Variants in VOPP1 observed in about 807,000 individuals in gnomAD.
The protein encoded by VOPP1 is VOPP1 WW domain binding protein.
Under a neutral mutation model 23.5 loss-of-function variants are expected in VOPP1, and 8 were observed. That is an observed-to-expected ratio of 0.34 (90% confidence interval 0.20 to 0.61). The LOEUF (loss-of-function observed/expected upper bound fraction) is 0.61. Among genes scored for constraint, VOPP1 ranks in the 20% least tolerant of loss-of-function variants. The probability of loss-of-function intolerance (pLI) is 0.78; values close to 1 mark genes in which losing one functional copy is unlikely to be tolerated. For missense variants in VOPP1, 174 were observed against 238.1 expected, an observed-to-expected ratio of 0.73 and a Z score of 1.77; for synonymous variants, 83 against 97.3, an observed-to-expected ratio of 0.85 and a Z score of 0.86.
Position 55,454,478 on chromosome 7 carries a change from C to G in VOPP1, n.418-18304G>C, listed in dbSNP as rs558893888. On this transcript the variant is annotated intron_variant and non_coding_transcript_variant, in intron 4 of 4. Transcript: ENST00000462326. ...GCCAGCATCATCCTGATACCAAAAC[C>G]TGGCAGAGACACAACAAAAAAAGAA... Among the ~76,000 whole-genome samples the G allele has an allele frequency of 1.8e-4, 28 of 152,238 alleles. No individual in the cohort carries two copies. The South Asian group carries it at 4.6e-3, about 25-fold the overall frequency.
chr7:55,549,373 A>G (rs1024982284), intron 1 of VOPP1, among the ~76,000 whole-genome samples: 6 of 152,244 alleles, frequency 3.9e-5, no homozygotes, highest in African/African-American at 1.4e-4. Context: ...CTGATGGCAC[A>G]TGCACGGGCC....
chr7:55,562,986 T>C (rs1361879006), intron 1 of VOPP1, among the ~76,000 whole-genome samples: 3 of 152,224 alleles, frequency 2.0e-5, no homozygotes, highest in Non-Finnish European at 4.4e-5. Context: ...CCATCAGTTA[T>C]ACATGCCCTA....
intron 1 of VOPP1, chr7:55,552,665 C>A (rs780627207): frequency 2.0e-6 from 3 of 1,535,990 alleles, no homozygotes; most frequent in Admixed American, 3.9e-5. Context: ...TATGACACCG[C>A]CTTCCAACAA....
At chr7:55,440,997 G>C (rs192090843) in intron 4 of VOPP1, among the ~76,000 whole-genome samples, 2 of 152,262 alleles carry the variant, frequency 1.3e-5, no homozygotes, top group East Asian at 3.9e-4. Context: ...AAATTTTCTC[G>C]CATGGAATTA....
intron 4 of VOPP1, among the ~76,000 whole-genome samples, chr7:55,452,327 A>G (rs112328580): frequency 0.012 from 1,793 of 152,206 alleles, 13 homozygotes; most frequent in Admixed American, 0.021. Context: ...CACCACATCC[A>G]CAGTTATTTC....
chr7:55,487,265 G>C (rs1793213063), intron 4 of VOPP1, among the ~76,000 whole-genome samples: 1 of 152,132 alleles, frequency 6.6e-6, no homozygotes, highest in Admixed American at 6.5e-5. Flanking sequence ...ACCTATAAAT[G>C]AACTCACCAC....
chr7:55,440,440 GCTGA>G (rs995355142), intron 4 of VOPP1, among the ~76,000 whole-genome samples: 5 of 152,204 alleles, frequency 3.3e-5, no homozygotes, highest in African/African-American at 1.2e-4. Flanking sequence ...GCATCTGGGG[GCTGA>G]CTGATATCTG....
Position 55,492,388 on chromosome 7 carries a change from G to A in VOPP1, c.222C>T (p.Cys74=), listed in dbSNP as rs973077466. Residue 74 remains cysteine (C), a synonymous_variant, in exon 4 of 5, where the codon TGC becomes TGT. Coordinates refer to ENST00000285279, the MANE Select transcript of VOPP1 (RefSeq NM_030796.5). ...TCCGGATGAAGAAGCCGGCTCCGCAGCAGAAAAGCACGCCCATCATCAGAA... is the reference window on the plus strand; with the variant it reads ...TCCGGATGAAGAAGCCGGCTCCGCAACAGAAAAGCACGCCCATCATCAGAA... ...WFLLMMGVLF[C]CGAGFFIRRR... The A allele has an allele frequency of 2.5e-6, 4 of 1,610,654 alleles. No individual in the cohort carries two copies. The African/African-American group carries it at 4.0e-5, about 16-fold the overall frequency.
chr7:55,485,595 T>C (rs997319065), intron 4 of VOPP1, among the ~76,000 whole-genome samples: 1 of 152,228 alleles, frequency 6.6e-6, no homozygotes, highest in African/African-American at 2.4e-5. Context: ...CCTGTCCTCA[T>C]CCCAGAGCTG....
rs199687059 is a variant in VOPP1, at chr7:55,538,912, TA to T, written c.55-17783del. Among the ~76,000 whole-genome samples the T allele has an allele frequency of 3.5e-3, 516 of 148,202 alleles. 2 individuals are homozygous for T. Among genetic ancestry groups the T allele is most frequent in the Middle Eastern group, 0.024 (7 of 290 alleles). On this transcript the variant is annotated intron_variant, in intron 1 of 4. Coordinates refer to ENST00000285279, the MANE Select transcript of VOPP1 (RefSeq NM_030796.5). ...AACCAAATATTTGGGTATACAATCT[TA>T]AAAAAAAAAGTTGCACAAGAAACTT...
chr7:55,448,438 G>A (rs1398893563), intron 4 of VOPP1, among the ~76,000 whole-genome samples: 1 of 152,166 alleles, frequency 6.6e-6, no homozygotes, highest in African/African-American at 2.4e-5. Context: ...AGTGGGATGG[G>A]CGTACAGTGT....
chr7:55,462,214 G>A (rs549916576), intron 4 of VOPP1, among the ~76,000 whole-genome samples: 213 of 152,230 alleles, frequency 1.4e-3, no homozygotes, highest in African/African-American at 5.0e-3. Flanking sequence ...TTAGTCTGAT[G>A]GGAGTTCCCT....
chr7:55,507,179 G>T (rs1037137808), intron 2 of VOPP1, among the ~76,000 whole-genome samples: 1 of 152,196 alleles, frequency 6.6e-6, no homozygotes, highest in Non-Finnish European at 1.5e-5. Flanking sequence ...GGAGTGCTGT[G>T]GAAAGTAGTG....
chr7:55,559,875 C>G (rs1416997089), intron 1 of VOPP1, among the ~76,000 whole-genome samples: 1 of 152,216 alleles, frequency 6.6e-6, no homozygotes, highest in Non-Finnish European at 1.5e-5. Flanking sequence ...CTTTACTGGC[C>G]AGGCGCAGTG....
intron 4 of VOPP1, among the ~76,000 whole-genome samples, chr7:55,463,041 T>C (rs1791544277): frequency 6.6e-6 from 1 of 152,166 alleles, no homozygotes; most frequent in Non-Finnish European, 1.5e-5. Context: ...GATTTCTCTG[T>C]ATTATTATTT....
chr7:55,481,364 C>T (rs1792698439), intron 4 of VOPP1, among the ~76,000 whole-genome samples: 3 of 152,208 alleles, frequency 2.0e-5, no homozygotes, highest in African/African-American at 4.8e-5. Context: ...GGAGCACAAG[C>T]CCTGGCTCCT....
At chr7:55,452,575 AAAC>A (rs1358796761) in intron 4 of VOPP1, among the ~76,000 whole-genome samples, 2 of 152,238 alleles carry the variant, frequency 1.3e-5, no homozygotes, top group Admixed American at 1.3e-4. Flanking sequence ...TGTATGTCAT[AAAC>A]AATAAGACTT....
chr7:55,499,356 G>A (rs1319855335), intron 2 of VOPP1, among the ~76,000 whole-genome samples: 1 of 152,202 alleles, frequency 6.6e-6, no homozygotes, highest in Non-Finnish European at 1.5e-5. Flanking sequence ...GGGAACTGAG[G>A]TAGAAGAACT....
At chr7:55,500,523 G>T (rs759140212) in intron 2 of VOPP1, among the ~76,000 whole-genome samples, 3 of 152,216 alleles carry the variant, frequency 2.0e-5, no homozygotes, top group Non-Finnish European at 2.9e-5. Flanking sequence ...CTTGTGAGGT[G>T]GCCCTGAGCC....
Sources: allele counts gnomAD v4.1 joint callset (sites outside exome capture counted in the v4.1 genomes callset), GRCh38; gene constraint gnomAD v4.1.1; transcripts MANE v1.5; gene names NCBI Gene and HGNC (gene_info 2026-07-23, HGNC 2026-07-21).